The following COL25A1 variants were observed in gnomAD, a reference collection of about 807,000 sequenced individuals.
The protein encoded by COL25A1 is collagen alpha-1(XXV) chain.
Under a neutral mutation model 128.4 loss-of-function variants are expected in COL25A1, and 103 were observed. That is an observed-to-expected ratio of 0.80 (90% CI 0.68 to 0.94). The LOEUF (loss-of-function observed/expected upper bound fraction) is 0.94. Ranked by LOEUF, COL25A1 falls within the 40% of genes least tolerant of loss-of-function variation. The probability of loss-of-function intolerance (pLI) is 0.00; values close to 1 mark genes in which losing one functional copy is unlikely to be tolerated. For missense variants in COL25A1, 745 were observed against 840.0 expected, an observed-to-expected ratio of 0.89 and a Z score of 1.40; for synonymous variants, 279 against 277.2, an observed-to-expected ratio of 1.01 and a Z score of -0.06.
intron 27 of COL25A1, among the ~76,000 whole-genome samples, chr4:108,846,430 C>T (rs912308039): frequency 1.3e-5 from 2 of 152,286 alleles, no homozygotes; most frequent in Non-Finnish European, 2.9e-5. Context: ...AGATTAAGTT[C>T]TATTAGGCCA....
intron 19 of COL25A1, among the ~76,000 whole-genome samples, chr4:108,873,356 G>A (rs1182302426): frequency 6.6e-6 from 1 of 152,162 alleles, no homozygotes; most frequent in Non-Finnish European, 1.5e-5. Flanking sequence ...TTTCAAGCTG[G>A]AGTCTTAATA....
intron 3 of COL25A1, among the ~76,000 whole-genome samples, chr4:109,196,820 T>A (rs1246835836): frequency 6.6e-6 from 1 of 152,172 alleles, no homozygotes; most frequent in South Asian, 2.1e-4. Context: ...TGATTATCAA[T>A]GTGCAAATAC....
intron 3 of COL25A1, among the ~76,000 whole-genome samples, chr4:109,149,195 T>G (rs1430990296): frequency 6.6e-6 from 1 of 152,160 alleles, no homozygotes; most frequent in African/African-American, 2.4e-5. Context: ...ATTTGTGGAG[T>G]CAAATCACTT....
At chr4:109,220,467 T>C (rs1362517389) in intron 3 of COL25A1, among the ~76,000 whole-genome samples, 2 of 151,668 alleles carry the variant, frequency 1.3e-5, no homozygotes, top group Admixed American at 6.6e-5. Context: ...CACACTGTGG[T>C]TCCCCCATGG....
intron 3 of COL25A1, among the ~76,000 whole-genome samples, chr4:109,059,441 T>C (rs1761743416): frequency 1.3e-5 from 2 of 152,172 alleles, no homozygotes; most frequent in African/African-American, 4.8e-5. Context: ...TGAAGGAAAA[T>C]AGGAGATTTA....
chr4:108,853,094 G>T (rs1487274187), intron 24 of COL25A1, among the ~76,000 whole-genome samples, 169 bp from the exon 25 acceptor site: 1 of 152,102 alleles, frequency 6.6e-6, no homozygotes, highest in African/African-American at 2.4e-5. Context: ...ATACAGTATA[G>T]TTGTAGAGAT....
chr4:109,040,203 G>C (rs889139923), intron 5 of COL25A1, among the ~76,000 whole-genome samples: 14 of 152,046 alleles, frequency 9.2e-5, no homozygotes, highest in African/African-American at 3.4e-4. Context: ...TGAAGAAGGG[G>C]ATTCTTTCCA....
Position 108,848,751 on chromosome 4 carries a change from A to G in COL25A1, c.1434+8T>C, listed in dbSNP as rs1441787129. ...CTTTAAATAATAGTATACATCTTTG[A>G]AAATTACCTGCTCTCCATCCATTCC... On this transcript the variant is annotated splice_region_variant and intron_variant, in intron 27 of 37. Coordinates refer to ENST00000399132, the MANE Select transcript of COL25A1 (RefSeq NM_198721.4). The G allele has an allele frequency of 3.2e-6, 5 of 1,585,290 alleles. No homozygotes were observed. In the African/African-American group the frequency reaches 5.4e-5, roughly 17 times the overall value.
Position 108,819,421 on chromosome 4 carries a change from G to C in COL25A1, c.1846-92C>G. 2 of 1,001,662 alleles carry C rather than the reference G, an allele frequency of 2.0e-6. 1 individual carries two copies. The highest frequency in any genetic ancestry group is 3.0e-5 in the South Asian group (2 of 66,254). 62.0% of individuals were successfully genotyped at this position (1,001,662 alleles called of 1,614,324 possible). A position where few individuals can be genotyped will look rare whatever the true frequency, so the allele number is the denominator to read the frequency against. ...AGAAGTAACTACAACAACAAAGGCT[G>C]GGAGAGGAGCAACTCTGAAGGGAAA... On this transcript the variant is annotated intron_variant, in intron 35 of 37. Coordinates refer to ENST00000399132, the MANE Select transcript of COL25A1 (RefSeq NM_198721.4).
intron 3 of COL25A1, among the ~76,000 whole-genome samples, chr4:109,298,432 G>A (rs1388303896): frequency 1.3e-5 from 2 of 152,060 alleles, no homozygotes; most frequent in Non-Finnish European, 2.9e-5. Context: ...ACTTCAAGGG[G>A]TGGGCATCTG....
intron 3 of COL25A1, among the ~76,000 whole-genome samples, chr4:109,177,008 G>A (rs574124109): frequency 8.5e-5 from 13 of 152,334 alleles, no homozygotes; most frequent in African/African-American, 3.1e-4. Flanking sequence ...AAGCCACCGA[G>A]TTTGTGGTAA....
At chr4:108,928,809 A>C (rs1746392550) in intron 11 of COL25A1, among the ~76,000 whole-genome samples, 1 of 152,104 alleles carries the variant, frequency 6.6e-6, no homozygotes, top group Non-Finnish European at 1.5e-5. Context: ...TCGGCCTCCC[A>C]AAGTGCTAGA....
intron 24 of COL25A1, among the ~76,000 whole-genome samples, chr4:108,856,932 T>C (rs1736595937): frequency 1.3e-5 from 2 of 152,126 alleles, no homozygotes; most frequent in Non-Finnish European, 2.9e-5. Flanking sequence ...AACATCCTTA[T>C]TTTGCAGATA....
At chr4:108,916,685 A>C (rs1744912842) in intron 13 of COL25A1, among the ~76,000 whole-genome samples, 1 of 152,242 alleles carries the variant, frequency 6.6e-6, no homozygotes, top group Admixed American at 6.5e-5. Flanking sequence ...TCTGAGAATG[A>C]ATACACTTTT....
chr4:109,002,348 G>A (rs575563723), intron 6 of COL25A1, among the ~76,000 whole-genome samples: 1 of 152,138 alleles, frequency 6.6e-6, no homozygotes, highest in South Asian at 2.1e-4. Flanking sequence ...AAGAAACTGT[G>A]GTATACATAC....
At chr4:109,030,283 A>C (rs1046945411) in intron 5 of COL25A1, among the ~76,000 whole-genome samples, 1 of 152,220 alleles carries the variant, frequency 6.6e-6, no homozygotes, top group African/African-American at 2.4e-5. Context: ...TTTAGAATTC[A>C]TGAATCCCCA....
intron 35 of COL25A1, chr4:108,820,040 G>A: frequency 2.5e-6 from 1 of 397,828 alleles, no homozygotes; most frequent in Non-Finnish European, 4.4e-6. Flanking sequence ...TATTATAACA[G>A]CTAACATATT....
At chr4:109,124,836 A>T (rs1353402275) in intron 3 of COL25A1, among the ~76,000 whole-genome samples, 1 of 152,012 alleles carries the variant, frequency 6.6e-6, no homozygotes, top group Non-Finnish European at 1.5e-5. Flanking sequence ...TGGGTAGAAA[A>T]ACATATAGCA....
chr4:109,269,202 G>A (rs1048777195), intron 3 of COL25A1, among the ~76,000 whole-genome samples: 4 of 151,434 alleles, frequency 2.6e-5, no homozygotes, highest in East Asian at 1.9e-4. Context: ...TTGTTCTTGC[G>A]ATAGTTCACT....
Sources: gnomAD v4.1 joint callset for allele counts (sites outside exome capture counted in the v4.1 genomes callset) on GRCh38, gnomAD v4.1.1 for gene constraint, MANE v1.5 for transcripts, NCBI Gene and HGNC (gene_info 2026-07-23, HGNC 2026-07-21) for gene names.